LCOR: variants seen among roughly 807,000 people sequenced by gnomAD.
The protein encoded by LCOR is ligand-dependent corepressor.
In LCOR, 14 loss-of-function variants were observed where a neutral mutation model predicts 64.4. The ratio of observed to expected loss-of-function variants is 0.22; its 90% confidence interval spans 0.14 to 0.34. The LOEUF (loss-of-function observed/expected upper bound fraction) is 0.34, where lower values mean the gene tolerates loss of function less well. Ranked by LOEUF, LCOR falls within the 10% of genes least tolerant of loss-of-function variation. The pLI, the probability that LCOR is intolerant of heterozygous loss-of-function variation, is 1.00. For synonymous variants in LCOR, 643 were observed against 642.5 expected (o/e 1.00, Z -0.01); for missense variants, 1,686 against 1,765.3 (o/e 0.96, Z 0.80).
At chr10:96,862,223 C>G (rs115372878) in intron 2 of LCOR, among the ~76,000 whole-genome samples, 164 of 152,298 alleles carry the variant, frequency 1.1e-3, no homozygotes, top group African/African-American at 3.8e-3. Context: ...TCTCCAAACC[C>G]AGTCCTTTTA....
rs185581693 is a variant in LCOR at position 96,920,706 on chromosome 10, G to T, written c.-184+12959G>T. On this transcript the variant is annotated intron_variant, in intron 4 of 7. Coordinates refer to ENST00000421806, the MANE Select transcript of LCOR (RefSeq NM_001346516.2). ...TATATGTGTATATATGTTCATATAT[G>T]TGTGTATATATGTATATATGTTCAT... Among the ~76,000 whole-genome samples, 15 of 134,130 alleles carry T rather than the reference G, an allele frequency of 1.1e-4. No homozygotes were observed. In the East Asian group the frequency reaches 2.8e-3, roughly 25 times the overall value. 88.0% of individuals were successfully genotyped at this position (134,130 alleles called of 152,430 possible).
Position 96,854,412 on chromosome 10 carries a change from C to T in LCOR, c.-330+20933C>T, listed in dbSNP as rs566285458. Among the ~76,000 whole-genome samples, 6 of 152,178 alleles carry T rather than the reference C, an allele frequency of 3.9e-5. No homozygotes were observed. The East Asian group carries it at 7.7e-4, about 20-fold the overall frequency. On this transcript the variant is annotated intron_variant, in intron 2 of 7. Transcript: ENST00000421806. ...GTGATCTCGGCTCAACCACAGCCTC[C>T]GCCTCCTGGGTTCAAGTGATTCTCC...
chr10:96,959,733 T>TA (rs1386691497), intron 7 of LCOR: 2 of 152,220 alleles, frequency 1.3e-5, no homozygotes, highest in African/African-American at 4.8e-5. Flanking sequence ...TAATACTTTT[T>TA]AATATTAAGT....
At chr10:96,935,196 T>C (rs985539237) in intron 4 of LCOR, among the ~76,000 whole-genome samples, 2 of 136,628 alleles carry the variant, frequency 1.5e-5, no homozygotes, top group Admixed American at 7.8e-5. Flanking sequence ...TCACCCAGTC[T>C]GGAATGCAGT....
chr10:96,838,938 T>A (rs1395723670), intron 2 of LCOR, among the ~76,000 whole-genome samples: 2 of 152,224 alleles, frequency 1.3e-5, no homozygotes, highest in African/African-American at 4.8e-5. Flanking sequence ...TACATTCCCA[T>A]CAGTACTGTA....
At chr10:96,835,520 T>G (rs1845427605) in intron 2 of LCOR, among the ~76,000 whole-genome samples, 1 of 152,182 alleles carries the variant, frequency 6.6e-6, no homozygotes, top group Admixed American at 6.5e-5. Flanking sequence ...GTAAATTAAT[T>G]GTAGTGTTAA....
Position 96,955,180 on chromosome 10 carries a change from T to C in LCOR, c.332+2984T>C, listed in dbSNP as rs763593857. ...GGATTACAGAATCATGGACAACACT[T>C]AATATTATCCAGGGAAGCCTCTTGG... On this transcript the variant is annotated intron_variant, in intron 7 of 7. Transcript: ENST00000421806. The C allele has an allele frequency of 1.2e-5, 19 of 1,614,016 alleles. No individual in the cohort carries two copies. The Admixed American group carries it at 1.7e-4, about 14-fold the overall frequency.
At position 96,981,704 on chromosome 10, in the gene LCOR, A is replaced by C; in HGVS notation, c.1244A>C (p.Gln415Pro). ...GYHLHPSDKG[Q>P]FDHSKDGWLG... ...CATTTACATCCCAGTGATAAGGGCC[A>C]GTTTGATCATTCCAAAGATGGTTGG... The change falls in exon 8 of 8, where the codon CAG becomes CCG. Residue 415 changes from glutamine (Q) to proline (P), a missense_variant. By Grantham distance (76) the Gln-to-Pro change is moderately conservative (BLOSUM62 -1). Transcript: ENST00000421806. The C allele has an allele frequency of 6.2e-7, 1 of 1,614,246 alleles. No homozygotes were observed.
At chr10:96,978,217 G>A (rs1253150588) in intron 7 of LCOR, among the ~76,000 whole-genome samples, 1 of 152,170 alleles carries the variant, frequency 6.6e-6, no homozygotes, top group Non-Finnish European at 1.5e-5. Context: ...GAGCTCCTTT[G>A]TACATCTCAT....
At chr10:96,933,121 T>G (rs1006209196) in intron 4 of LCOR, among the ~76,000 whole-genome samples, 3 of 152,236 alleles carry the variant, frequency 2.0e-5, no homozygotes, top group Non-Finnish European at 2.9e-5. Context: ...TAAAATGATC[T>G]TCAGTGTGAG....
At chr10:96,924,254 G>A (rs1246381815) in intron 4 of LCOR, among the ~76,000 whole-genome samples, 1 of 152,178 alleles carries the variant, frequency 6.6e-6, no homozygotes, top group Non-Finnish European at 1.5e-5. Context: ...CCAGGCTGGA[G>A]TGCAGTGACG....
At chr10:96,953,142 G>A (rs962315542) in intron 7 of LCOR, among the ~76,000 whole-genome samples, 2 of 152,012 alleles carry the variant, frequency 1.3e-5, no homozygotes, top group Admixed American at 6.6e-5. Flanking sequence ...TTTCCAGAAA[G>A]TATTAATTTA....
chr10:96,869,682 C>G (rs770311172), intron 2 of LCOR, among the ~76,000 whole-genome samples: 4 of 150,850 alleles, frequency 2.7e-5, no homozygotes, highest in Non-Finnish European at 5.9e-5. Context: ...TCAAGCGATT[C>G]TCCTGCCTCA....
chr10:96,861,517 C>CACTA (rs908224642), intron 2 of LCOR, among the ~76,000 whole-genome samples: 1 of 152,008 alleles, frequency 6.6e-6, no homozygotes, highest in Non-Finnish European at 1.5e-5. Flanking sequence ...CTGCAGTGGA[C>CACTA]ACTAGGTGAG....
At chr10:96,832,459 AC>A in intron 1 of LCOR, 60 bp downstream of exon 1, 1 of 643,316 alleles carries the variant, frequency 1.6e-6, no homozygotes, top group Non-Finnish European at 1.9e-6. Flanking sequence ...GTCGCCCCAG[AC>A]CAGGGAGGAA....
At chr10:96,919,394 A>G (rs1257946746) in intron 4 of LCOR, among the ~76,000 whole-genome samples, 4 of 151,998 alleles carry the variant, frequency 2.6e-5, no homozygotes, top group Non-Finnish European at 5.9e-5. Flanking sequence ...TCAATTATGA[A>G]AGCTTGTATT....
chr10:96,984,518 C>T lies in LCOR; in HGVS notation c.4058C>T (p.Pro1353Leu). The change falls in exon 8 of 8, where the codon CCT becomes CTT. Residue 1353 changes from proline to leucine, a missense_variant. Coordinates refer to ENST00000421806, the MANE Select transcript of LCOR (RefSeq NM_001346516.2). ...KPSRKSVCIN[P>L]LMSPKLALQV... is the part of the protein sequence containing the mutation. Reference sequence around the variant, plus strand: ...AGTCGTAAGAGCGTATGCATCAACCCTCTGATGTCCCCCAAGCTTGCCCTG... The same window carrying T: ...AGTCGTAAGAGCGTATGCATCAACCTTCTGATGTCCCCCAAGCTTGCCCTG... The T allele has an allele frequency of 6.2e-7, 1 of 1,614,220 alleles. No individual in the cohort carries two copies. The highest frequency in any genetic ancestry group is 8.5e-7 in the Non-Finnish European group (1 of 1,180,050).
intron 1 of LCOR, among the ~76,000 whole-genome samples, chr10:96,832,623 C>T (rs1189061059): frequency 2.0e-5 from 3 of 149,996 alleles, no homozygotes; most frequent in East Asian, 4.1e-4. Flanking sequence ...CTCCGCGCGC[C>T]TCCCCGGGGC....
intron 2 of LCOR, among the ~76,000 whole-genome samples, chr10:96,897,048 G>A (rs1379945265): frequency 4.5e-5 from 6 of 134,500 alleles, no homozygotes; most frequent in South Asian, 2.2e-4. Context: ...TTATTCCCAA[G>A]GAATGAGAGA....
Sources: allele counts gnomAD v4.1 joint callset (sites outside exome capture counted in the v4.1 genomes callset), GRCh38; gene constraint gnomAD v4.1.1; transcripts MANE v1.5; gene names NCBI Gene and HGNC (gene_info 2026-07-23, HGNC 2026-07-21).